Variants in MACIR observed in about 807,000 individuals in gnomAD.
MACIR encodes the protein macrophage immunometabolism regulator.
A neutral mutation model predicts 14.3 loss-of-function variants in MACIR; 4 were observed. The ratio of observed to expected loss-of-function variants is 0.28; its 90% CI spans 0.14 to 0.64. The LOEUF is 0.64. Ranked by LOEUF, MACIR falls within the 30% of genes least tolerant of loss-of-function variation. The pLI is 0.83. For missense variants in MACIR, 228 were observed against 257.6 expected, an observed-to-expected ratio of 0.89 and a Z score of 0.79; for synonymous variants, 101 against 102.4, an observed-to-expected ratio of 0.99 and a Z score of 0.08.
upstream of MACIR, chr5:103,258,744 G>T (rs1486942357): frequency 1.3e-5 from 2 of 153,140 alleles, no homozygotes; most frequent in Admixed American, 6.5e-5. Flanking sequence ...GCGGTAGCTG[G>T]CGCCGAGCGC....
intron 1 of MACIR, among the ~76,000 whole-genome samples, chr5:103,261,357 T>A (rs1481289516): frequency 6.6e-6 from 1 of 152,244 alleles, no homozygotes. Flanking sequence ...GAAAGAAGCC[T>A]CTAAGATGAG....
intron 2 of MACIR, among the ~76,000 whole-genome samples, chr5:103,267,208 G>A (rs1418355905): frequency 2.0e-5 from 3 of 152,052 alleles, no homozygotes; most frequent in South Asian, 2.1e-4. Context: ...CTGATGATAC[G>A]TAAGTCTCTG....
chr5:103,259,849 G>A (rs1483536632), intron 1 of MACIR: 3 of 152,252 alleles, frequency 2.0e-5, no homozygotes, highest in Non-Finnish European at 2.9e-5. Context: ...CCAGCAACGC[G>A]GCCCCATTGT....
chr5:103,262,779 A>G (rs1804774968), intron 1 of MACIR, among the ~76,000 whole-genome samples: 1 of 152,072 alleles, frequency 6.6e-6, no homozygotes, highest in Admixed American at 6.6e-5. Flanking sequence ...AGCATTTATT[A>G]TATCTTGTAG....
At position 103,267,154 on chromosome 5, in the gene MACIR, A is replaced by G. The variant is rs114829721; in HGVS notation, c.-24+1157A>G. ...TATATTTATACAGTTGTCCCTTGGCATCCTTGGGGGATTGGTTCCAGGACT... is the reference window on the plus strand; with the variant it reads ...TATATTTATACAGTTGTCCCTTGGCGTCCTTGGGGGATTGGTTCCAGGACT... On this transcript the variant is annotated intron_variant, in intron 2 of 2. Coordinates refer to ENST00000319933, the MANE Select transcript of MACIR (RefSeq NM_033211.4). Among the ~76,000 whole-genome samples the G allele has an allele frequency of 1.9e-4, 29 of 152,254 alleles. No individual in the cohort carries two copies. In the South Asian group the frequency reaches 5.4e-3, roughly 28 times the overall value.
At chr5:103,275,356 G>C (rs987821360) in intron 2 of MACIR, among the ~76,000 whole-genome samples, 1 of 152,146 alleles carries the variant, frequency 6.6e-6, no homozygotes, top group Admixed American at 6.6e-5. Context: ...TGGATTCCTT[G>C]CAGAAATTCG....
In MACIR at chr5:103,261,275, C is replaced by G. The variant is rs75131297; in HGVS notation, c.-114+2379C>G. 2.1e-3 allele frequency among the ~76,000 whole-genome samples: 325 copies of G among 152,316 alleles called. 2 individuals are homozygous for G. Among genetic ancestry groups the G allele is most frequent in the African/African-American group, 7.7e-3 (320 of 41,576 alleles). ...AGGATGGTTTCAGAAAAGTCACACC[C>G]TAGTTAACTCTTCTTAAAGAGTATT... On this transcript the variant is annotated intron_variant, in intron 1 of 2. Transcript: ENST00000319933.
In MACIR at chr5:103,276,708, A is replaced by C; in HGVS notation, c.*168A>C. On this transcript the variant is annotated 3_prime_UTR_variant, in exon 3 of 3. Transcript: ENST00000319933. ...CAAATTTGAATACAGGAATGAAATC[A>C]CAGGTACTTGGGGGGGGGATATCAT... is the stretch of plus-strand genomic sequence containing the variant. 2 of 543,282 alleles carry C rather than the reference A, an allele frequency of 3.7e-6. No homozygotes were observed. Among genetic ancestry groups the C allele is most frequent in the Non-Finnish European group, 6.3e-6 (2 of 318,472 alleles). The allele number at this position is 543,282 out of a possible 1,614,324, so 33.7% of individuals were successfully genotyped here.
chr5:103,275,362 A>G (rs1805285275), intron 2 of MACIR, among the ~76,000 whole-genome samples: 1 of 152,202 alleles, frequency 6.6e-6, no homozygotes, highest in Non-Finnish European at 1.5e-5. Flanking sequence ...CCTTGCAGAA[A>G]TTCGTCAGCT....
chr5:103,266,261 C>T (rs186280179), intron 2 of MACIR, among the ~76,000 whole-genome samples: 260 of 152,060 alleles, frequency 1.7e-3, no homozygotes, highest in Non-Finnish European at 3.1e-3. Context: ...ATTTCTTCAA[C>T]GTAAAGATCT....
intron 2 of MACIR, 111 bp from the exon 3 acceptor site, chr5:103,275,786 C>T: frequency 1.2e-6 from 1 of 848,388 alleles, no homozygotes; most frequent in South Asian, 1.9e-5. Context: ...GGTACATTGA[C>T]TGTCTTTCAG....
intron 1 of MACIR, among the ~76,000 whole-genome samples, chr5:103,263,012 A>G (rs1331429411): frequency 2.0e-5 from 3 of 152,184 alleles, no homozygotes; most frequent in Non-Finnish European, 4.4e-5. Flanking sequence ...TTTGAAAGGT[A>G]CATGTTTTGG....
chr5:103,268,019 C>T (rs1421436721), intron 2 of MACIR, among the ~76,000 whole-genome samples: 3 of 152,146 alleles, frequency 2.0e-5, no homozygotes, highest in East Asian at 3.8e-4. Flanking sequence ...CAGATTGTTC[C>T]ACTTCATTGC....
intron 2 of MACIR, among the ~76,000 whole-genome samples, chr5:103,270,709 T>C (rs1215602968): frequency 1.3e-5 from 2 of 152,174 alleles, no homozygotes; most frequent in Non-Finnish European, 2.9e-5. Context: ...TTAAAGAAAT[T>C]AGCAAGTAGG....
chr5:103,262,237 A>G (rs2149921340), intron 1 of MACIR, among the ~76,000 whole-genome samples: 1 of 152,286 alleles, frequency 6.6e-6, no homozygotes, highest in South Asian at 2.1e-4. Flanking sequence ...GTGGGGATAT[A>G]TAATAAGACT....
intron 2 of MACIR, among the ~76,000 whole-genome samples, chr5:103,269,195 A>G (rs1175096830): frequency 6.6e-6 from 1 of 152,110 alleles, no homozygotes; most frequent in African/African-American, 2.4e-5. Flanking sequence ...GTGACAGAGC[A>G]AGACCCTGTG....
intron 2 of MACIR, among the ~76,000 whole-genome samples, chr5:103,267,155 T>A (rs1554236799): frequency 6.6e-6 from 1 of 152,152 alleles, no homozygotes; most frequent in African/African-American, 2.4e-5. Flanking sequence ...TCCCTTGGCA[T>A]CCTTGGGGGA....
At position 103,276,085 on chromosome 5, in the gene MACIR, A is replaced by G. The variant is rs1469961269; in HGVS notation, c.166A>G (p.Met56Val). ...RTVSGYQILH[M>V]DSNYLVGFTT... ...CGTGTCAGGCTACCAGATCCTACAC[A>G]TGGACTCTAACTATTTGGTTGGCTT... The change falls in exon 3 of 3, where the codon ATG becomes GTG. Residue 56 changes from methionine (M) to valine (V), a missense_variant. Coordinates refer to ENST00000319933, the MANE Select transcript of MACIR (RefSeq NM_033211.4). 1 of 1,614,058 alleles carries G rather than the reference A, an allele frequency of 6.2e-7. No homozygotes were observed. The highest frequency in any genetic ancestry group is 1.1e-5 in the South Asian group (1 of 91,080).
chr5:103,263,436 C>T lies in MACIR; in HGVS notation c.-113-2472C>T, dbSNP rs570331993. ...TACTCTTTGTTTACTATGAAATTACCGATCATTTCCTAGATTTACACATCA... is the reference window on the plus strand; with the variant it reads ...TACTCTTTGTTTACTATGAAATTACTGATCATTTCCTAGATTTACACATCA... On this transcript the variant is annotated intron_variant, in intron 1 of 2. Coordinates refer to ENST00000319933, the MANE Select transcript of MACIR (RefSeq NM_033211.4). 5.3e-5 allele frequency among the ~76,000 whole-genome samples: 8 copies of T among 152,158 alleles called. No individual in the cohort carries two copies. In the South Asian group the frequency reaches 1.5e-3, roughly 28 times the overall value.
Sources: gnomAD v4.1 joint callset for allele counts (sites outside exome capture counted in the v4.1 genomes callset) on GRCh38, gnomAD v4.1.1 for gene constraint, MANE v1.5 for transcripts, NCBI Gene and HGNC (gene_info 2026-07-23, HGNC 2026-07-21) for gene names.